The following NAA16 variants were observed in gnomAD, a reference collection of about 807,000 sequenced individuals.
The protein encoded by NAA16 is N-alpha-acetyltransferase 16, NatA auxiliary subunit, also known as NARG1-like protein.
NAA16 carries 97 observed loss-of-function variants against 110.3 expected under a neutral mutation model. The ratio of observed to expected loss-of-function variants is 0.88; its 90% CI spans 0.75 to 1.04. The LOEUF is 1.04. Ranked by LOEUF, NAA16 falls within the 50% of genes least tolerant of loss-of-function variation. NAA16 has a pLI of 0.00. For synonymous variants in NAA16, 372 were observed against 330.6 expected (o/e 1.13, Z -1.36); for missense variants, 1,017 against 1,005.1 (o/e 1.01, Z -0.16).
Position 41,372,184 on chromosome 13 carries a change from CCTTT to C in NAA16, c.1948-16_1948-13del. The stretch of plus-strand genomic sequence containing the variant: ...GTTCTGATGTTTTTTAAATAATTTT[CCTTT>C]CTGTTTCAAAATAGGTAGAAAATCC... On this transcript the variant is annotated splice_polypyrimidine_tract_variant and intron_variant, in intron 15 of 19. Coordinates refer to ENST00000379406, the MANE Select transcript of NAA16 (RefSeq NM_024561.5). 4.7e-6 allele frequency: 7 copies of C among 1,486,238 alleles called. No individual in the cohort carries two copies. Among genetic ancestry groups the C allele is most frequent in the Non-Finnish European group, 6.3e-6 (7 of 1,103,872 alleles). 92.1% of individuals were successfully genotyped at this position (1,486,238 alleles called of 1,614,324 possible).
At chr13:41,333,925 A>G (rs1007031691) in intron 8 of NAA16, among the ~76,000 whole-genome samples, 4 of 152,072 alleles carry the variant, frequency 2.6e-5, no homozygotes, top group African/African-American at 7.2e-5. Context: ...TTGAAATGCC[A>G]TAAAAATCTT....
chr13:41,354,539 A>C (rs895163637), intron 9 of NAA16: 1 of 152,250 alleles, frequency 6.6e-6, no homozygotes, highest in African/African-American at 2.4e-5. Context: ...TCACAAAACA[A>C]TGAAGAAATA....
intron 9 of NAA16, 150 bp downstream of exon 9, chr13:41,336,906 G>T: frequency 2.2e-6 from 1 of 458,518 alleles, no homozygotes; most frequent in East Asian, 3.5e-5. Flanking sequence ...TTACATGCCT[G>T]TAGTATAAGT....
chr13:41,317,075 A>G, intron 2 of NAA16, 145 bp downstream of exon 2: 1 of 612,772 alleles, frequency 1.6e-6, no homozygotes, highest in Non-Finnish European at 2.9e-6. Context: ...TTAATGCTTT[A>G]TATGAGTCTT....
At chr13:41,359,652 T>C (rs2043070942) in intron 12 of NAA16, among the ~76,000 whole-genome samples, 1 of 152,186 alleles carries the variant, frequency 6.6e-6, no homozygotes, top group South Asian at 2.1e-4. Flanking sequence ...AAGCCTCCAA[T>C]ATCCCTCTCT....
chr13:41,314,075 A>G (rs1286505386), intron 1 of NAA16, among the ~76,000 whole-genome samples: 2 of 152,162 alleles, frequency 1.3e-5, no homozygotes, highest in African/African-American at 4.8e-5. Context: ...CTGGCACTTA[A>G]TAGTTATATA....
Position 41,373,792 on chromosome 13 carries a change from G to GC in NAA16, c.2299+17dup, listed in dbSNP as rs763509433. Reference sequence around the variant, plus strand: ...GCATCTACTTTCAGGTTTGTTTGTAGCCCCCAGGGTTAAAATACTTATGGA... The same window carrying GC: ...GCATCTACTTTCAGGTTTGTTTGTAGCCCCCCAGGGTTAAAATACTTATGGA... On this transcript the variant is annotated intron_variant, in intron 18 of 19. Transcript: ENST00000379406. 2.2e-5 allele frequency: 35 copies of GC among 1,582,972 alleles called. 1 individual carries two copies. The highest frequency in any genetic ancestry group is 3.4e-4 in the Middle Eastern group (2 of 5,876).
intron 15 of NAA16, among the ~76,000 whole-genome samples, 182 bp downstream of exon 15, chr13:41,369,465 A>G (rs1259824659): frequency 1.3e-5 from 2 of 152,244 alleles, no homozygotes; most frequent in Non-Finnish European, 2.9e-5. Context: ...CAAGTTATAC[A>G]TAGAATTGCA....
intron 9 of NAA16, among the ~76,000 whole-genome samples, chr13:41,352,007 A>G (rs1201262689): frequency 6.6e-6 from 1 of 152,254 alleles, no homozygotes; most frequent in Non-Finnish European, 1.5e-5. Context: ...ATTAACTTTC[A>G]TAGAAAATTT....
At position 41,314,846 on chromosome 13, in the gene NAA16, A is replaced by T. The variant is rs190365748; in HGVS notation, c.55-2000A>T. Among the ~76,000 whole-genome samples the T allele has an allele frequency of 4.3e-3, 660 of 152,186 alleles. 5 individuals carry two copies. Among genetic ancestry groups the T allele is most frequent in the African/African-American group, 0.015 (625 of 41,524 alleles). On this transcript the variant is annotated intron_variant, in intron 1 of 19. Transcript: ENST00000379406. The stretch of plus-strand genomic sequence containing the variant: ...ACCAAAAATAAAAAAATAAAAAAAA[A>T]TTTAGCCAGGCATGATGGCACACAC...
At position 41,372,274 on chromosome 13, in the gene NAA16, C is replaced by T. The variant is rs2043336824; in HGVS notation, c.2019C>T (p.Asp673=). ...PLKNLVADNI[D]THLLAFEIYF... ...AGAACCTTGTTGCTGATAACATTGA[C>T]ACTCATCTGTTAGCATTTGAAATAT... Residue 673 remains aspartate, a synonymous_variant, in exon 16 of 20, where the codon GAC becomes GAT. Coordinates refer to ENST00000379406, the MANE Select transcript of NAA16 (RefSeq NM_024561.5). The T allele has an allele frequency of 6.3e-7, 1 of 1,599,764 alleles. No homozygotes were observed.
chr13:41,374,898 T>G, intron 19 of NAA16, 59 bp downstream of exon 19: 4 of 1,031,446 alleles, frequency 3.9e-6, no homozygotes, highest in Non-Finnish European at 5.9e-6. Context: ...AAACGTGTCT[T>G]TACAGCATAA....
At chr13:41,317,104 C>T (rs2041829877) in intron 2 of NAA16, among the ~76,000 whole-genome samples, 174 bp downstream of exon 2, 1 of 151,860 alleles carries the variant, frequency 6.6e-6, no homozygotes, top group African/African-American at 2.4e-5. Flanking sequence ...CCTGTATTAT[C>T]CTTAAGTATG....
At chr13:41,317,135 G>A (rs533722608) in intron 2 of NAA16, among the ~76,000 whole-genome samples, 143 of 152,078 alleles carry the variant, frequency 9.4e-4, no homozygotes, top group African/African-American at 3.3e-3. Context: ...GATAAGATTA[G>A]GATGGTTCGT....
chr13:41,348,247 A>G (rs1215213134), intron 9 of NAA16, among the ~76,000 whole-genome samples: 2 of 152,082 alleles, frequency 1.3e-5, no homozygotes, highest in African/African-American at 4.8e-5. Context: ...GGCTCACTGC[A>G]ACCTCCACCT....
chr13:41,373,468 G>C (rs1422992767), intron 17 of NAA16, 169 bp from the exon 18 acceptor site: 6 of 485,462 alleles, frequency 1.2e-5, no homozygotes, highest in Non-Finnish European at 1.6e-5. Flanking sequence ...ATGTTGGCCA[G>C]GCTGGTCTCA....
rs1290081319 is a variant in NAA16 at position 41,373,737 on chromosome 13, T to C, written c.2256T>C (p.Asp752=). ...VKKDLESFNE[D]FLKRNATSLQ... ...AGGATTTGGAAAGTTTTAATGAGGATTTTCTGAAACGTAACGCTACCTCTC... is the reference window on the plus strand; with the variant it reads ...AGGATTTGGAAAGTTTTAATGAGGACTTTCTGAAACGTAACGCTACCTCTC... The change falls in exon 18 of 20, where the codon GAT becomes GAC. Residue 752 remains aspartate (D), a synonymous_variant. Coordinates refer to ENST00000379406, the MANE Select transcript of NAA16 (RefSeq NM_024561.5). 1 of 1,611,896 alleles carries C rather than the reference T, an allele frequency of 6.2e-7. No homozygotes were observed. Among genetic ancestry groups the C allele is most frequent in the East Asian group, 2.2e-5 (1 of 44,812 alleles).
chr13:41,373,724 G>A lies in NAA16; in HGVS notation c.2243G>A (p.Ser748Asn), dbSNP rs1274287039. ...ATATTTGTCAAAAAGGATTTGGAAA[G>A]TTTTAATGAGGATTTTCTGAAACGT... ...QKIFVKKDLE[S>N]FNEDFLKRNA... The change falls in exon 18 of 20, where the codon AGT (serine) becomes AAT (asparagine). Residue 748 changes from serine (S) to asparagine (N), a missense_variant. Transcript: ENST00000379406. 4.3e-6 allele frequency: 7 copies of A among 1,610,522 alleles called. No homozygotes were observed. Among genetic ancestry groups the A allele is most frequent in the Non-Finnish European group, 5.9e-6 (7 of 1,178,868 alleles).
chr13:41,346,581 G>A (rs569985566), intron 9 of NAA16, among the ~76,000 whole-genome samples: 17 of 152,274 alleles, frequency 1.1e-4, no homozygotes, highest in African/African-American at 3.8e-4. Context: ...AGGGCGAACA[G>A]TTTAGTTTGA....
Sources: gnomAD v4.1 joint callset for allele counts (sites outside exome capture counted in the v4.1 genomes callset) on GRCh38, gnomAD v4.1.1 for gene constraint, MANE v1.5 for transcripts, NCBI Gene and HGNC (gene_info 2026-07-23, HGNC 2026-07-21) for gene names.